ZNF362: variants seen among roughly 807,000 people sequenced by gnomAD.
ZNF362 encodes the protein rotund homolog.
A neutral mutation model predicts 42.9 loss-of-function variants in ZNF362; 11 were observed. That is an observed-to-expected ratio of 0.26 (90% CI 0.16 to 0.42). ZNF362 has a LOEUF of 0.42. Ranked by LOEUF, ZNF362 falls within the 20% of genes least tolerant of loss-of-function variation. ZNF362 has a pLI of 1.00. For synonymous variants in ZNF362, 255 were observed against 257.3 expected (o/e 0.99, Z 0.09); for missense variants, 362 against 576.2 (o/e 0.63, Z 3.81).
the ZNF362 span, chr1:33,147,801 G>A: frequency 7.9e-6 from 12 of 1,525,802 alleles, no homozygotes; most frequent in Non-Finnish European, 9.8e-6. This position sits in a 1 kb window ranked among gnomAD's most constrained non-coding sequence, Gnocchi z 8.1. Context: ...GCCTTCCTGA[G>A]GGCAGAGTTC....
chr1:33,219,435 A>G, the ZNF362 span, among the ~76,000 whole-genome samples: 1 of 152,170 alleles, frequency 6.6e-6, no homozygotes. Context: ...AGAAAGATTC[A>G]CTGGGTAGTA....
At chr1:33,217,435 A>G in the ZNF362 span, among the ~76,000 whole-genome samples, 4 of 152,182 alleles carry the variant, frequency 2.6e-5, no homozygotes, top group Non-Finnish European at 4.4e-5. Context: ...CTCTCTGACC[A>G]TCTAGGACTC....
At chr1:33,149,889 T>A in the ZNF362 span, among the ~76,000 whole-genome samples, 1 of 152,190 alleles carries the variant, frequency 6.6e-6, no homozygotes, top group African/African-American at 2.4e-5. Flanking sequence ...CTCCCTTGTG[T>A]GTCCAGAGCC....
At chr1:33,202,052 C>A in the ZNF362 span, among the ~76,000 whole-genome samples, 1 of 152,172 alleles carries the variant, frequency 6.6e-6, no homozygotes, top group Non-Finnish European at 1.5e-5. Context: ...ATAAAAACTA[C>A]CAAAGTTCAC....
the ZNF362 span, chr1:33,164,292 G>C: frequency 6.6e-6 from 1 of 152,278 alleles, no homozygotes; most frequent in African/African-American, 2.4e-5. Flanking sequence ...GGTGTCTTCA[G>C]GCCCCAGGAT....
At chr1:33,242,430 G>A in the ZNF362 span, among the ~76,000 whole-genome samples, 1 of 152,214 alleles carries the variant, frequency 6.6e-6, no homozygotes, top group Middle Eastern at 3.4e-3. Context: ...AACTTTTAAA[G>A]TGGGTTCTCT....
intron 6 of ZNF362, among the ~76,000 whole-genome samples, chr1:33,283,856 T>A (rs939108097): frequency 6.6e-6 from 1 of 152,256 alleles, no homozygotes; most frequent in African/African-American, 2.4e-5. Context: ...CTTTGATTTT[T>A]AAAAAATTTG....
chr1:33,295,058 C>T (rs761119682), intron 7 of ZNF362, 43 bp downstream of exon 7: 3 of 1,609,476 alleles, frequency 1.9e-6, no homozygotes, highest in East Asian at 4.5e-5. Flanking sequence ...GCTCTGGTGC[C>T]CCCCCACCCA....
the ZNF362 span, among the ~76,000 whole-genome samples, chr1:33,167,938 G>A: frequency 1.6e-4 from 24 of 152,214 alleles, no homozygotes; most frequent in Non-Finnish European, 3.1e-4. This position sits in a 1 kb window ranked among gnomAD's most constrained non-coding sequence, Gnocchi z 4.2. Context: ...GGATTATGGC[G>A]AAGGACAAGA....
At chr1:33,153,117 A>G in the ZNF362 span, among the ~76,000 whole-genome samples, 1 of 152,166 alleles carries the variant, frequency 6.6e-6, no homozygotes, top group Admixed American at 6.5e-5. Context: ...AGGTGACCCA[A>G]TAGGAAGCCT....
the ZNF362 span, chr1:33,158,182 T>G: frequency 7.0e-7 from 1 of 1,422,084 alleles, no homozygotes; most frequent in Non-Finnish European, 9.9e-7. Context: ...CATGCTGTGT[T>G]TAGGACAGGG....
chr1:33,271,742 A>T (rs1043861251), intron 2 of ZNF362, among the ~76,000 whole-genome samples: 4 of 150,328 alleles, frequency 2.7e-5, no homozygotes, highest in African/African-American at 1.0e-4. Flanking sequence ...ATCTGGGCAG[A>T]TGTGTGGTAG....
chr1:33,197,225 TC>T, the ZNF362 span, among the ~76,000 whole-genome samples: 1 of 152,288 alleles, frequency 6.6e-6, no homozygotes, highest in Non-Finnish European at 1.5e-5. Context: ...ACTGTTGGCT[TC>T]CCTTGTTTTG....
chr1:33,204,747 C>A, the ZNF362 span, among the ~76,000 whole-genome samples: 1 of 152,182 alleles, frequency 6.6e-6, no homozygotes, highest in Non-Finnish European at 1.5e-5. Context: ...CTGCACTCAT[C>A]TCTTTTATTC....
the ZNF362 span, among the ~76,000 whole-genome samples, chr1:33,131,121 G>T: frequency 2.6e-3 from 402 of 152,344 alleles, 1 homozygote; most frequent in Admixed American, 3.7e-3. Context: ...GCCACTGTGA[G>T]CTGGGGAAGA....
At chr1:33,223,531 A>G in the ZNF362 span, among the ~76,000 whole-genome samples, 1 of 152,180 alleles carries the variant, frequency 6.6e-6, no homozygotes, top group African/African-American at 2.4e-5. Flanking sequence ...ATTACCATTT[A>G]CCTCCTTCAT....
chr1:33,269,905 C>G (rs1032122512), intron 1 of ZNF362, among the ~76,000 whole-genome samples: 4 of 152,196 alleles, frequency 2.6e-5, no homozygotes, highest in Admixed American at 6.5e-5. Context: ...ACACCTTCCT[C>G]AGTACCCCCT....
chr1:33,291,337 C>A (rs1327800921), intron 6 of ZNF362, among the ~76,000 whole-genome samples: 1 of 152,188 alleles, frequency 6.6e-6, no homozygotes, highest in Admixed American at 6.5e-5. Context: ...TTCCCCATTT[C>A]TTGTTTTTGT....
the ZNF362 span, among the ~76,000 whole-genome samples, chr1:33,247,326 G>A: frequency 6.6e-6 from 1 of 152,236 alleles, no homozygotes; most frequent in African/African-American, 2.4e-5. Flanking sequence ...GGCACAAAGA[G>A]GGGAGTGAAC....
Sources: allele counts gnomAD v4.1 joint callset (sites outside exome capture counted in the v4.1 genomes callset), GRCh38; gene constraint gnomAD v4.1.1; non-coding constraint Gnocchi (gnomAD v3.1); transcripts MANE v1.5; gene names NCBI Gene and HGNC (gene_info 2026-07-23, HGNC 2026-07-21).